Variants in MICU2 observed in about 807,000 individuals in gnomAD.
MICU2 encodes mitochondrial calcium uptake 2, also known as calcium uptake protein 2, mitochondrial.
In MICU2, 64 loss-of-function variants were observed where a neutral mutation model predicts 60.4. The observed-to-expected ratio is 1.06, with a 90% CI of 0.87 to 1.31. The LOEUF (loss-of-function observed/expected upper bound fraction) is 1.31, where lower values mean the gene tolerates loss of function less well. Among genes scored for constraint, MICU2 ranks in the 50% most tolerant of loss-of-function variants. The pLI is 0.00. For missense variants in MICU2, 569 were observed against 531.0 expected, an observed-to-expected ratio of 1.07 and a Z score of -0.70; for synonymous variants, 201 against 175.0, an observed-to-expected ratio of 1.15 and a Z score of -1.17.
intron 1 of MICU2, among the ~76,000 whole-genome samples, chr13:21,592,308 A>C (rs570375864): frequency 6.6e-6 from 1 of 152,324 alleles, no homozygotes; most frequent in South Asian, 2.1e-4. Context: ...ACCAAGACTA[A>C]ATCAAGAAGA....
At chr13:21,571,097 CT>C (rs1414495591) in intron 1 of MICU2, among the ~76,000 whole-genome samples, 6 of 150,972 alleles carry the variant, frequency 4.0e-5, no homozygotes, top group Admixed American at 6.6e-5. Context: ...TTTCAGGTTG[CT>C]TTTTTTTTGT....
chr13:21,522,233 G>C (rs1343715094), intron 5 of MICU2, among the ~76,000 whole-genome samples: 1 of 152,188 alleles, frequency 6.6e-6, no homozygotes. Context: ...CATGTCTCCT[G>C]AGTCTTCTCT....
chr13:21,572,204 T>G (rs902612037), intron 1 of MICU2, among the ~76,000 whole-genome samples: 4 of 152,192 alleles, frequency 2.6e-5, no homozygotes, highest in African/African-American at 9.7e-5. Context: ...GTGAAATGAG[T>G]GACTGTGGCA....
rs71093324 is a variant in MICU2, at chr13:21,525,181, ATTT to A, written c.467-2534_467-2532del. Reference sequence around the variant, plus strand: ...TCATACAGTAATGCTGTGTAATTCAATTTTTTTTTTTTTTTTTTTTTTTTTTTT... The same window carrying A: ...TCATACAGTAATGCTGTGTAATTCAATTTTTTTTTTTTTTTTTTTTTTTTT... On this transcript the variant is annotated intron_variant, in intron 4 of 11. Transcript: ENST00000382374. 4.9e-3 allele frequency among the ~76,000 whole-genome samples: 405 copies of A among 83,214 alleles called. 4 individuals are homozygous for A. The highest frequency in any genetic ancestry group is 0.019 in the African/African-American group (368 of 19,326). The allele number at this position is 83,214 out of a possible 152,430, so 54.6% of individuals were successfully genotyped here.
intron 4 of MICU2, among the ~76,000 whole-genome samples, chr13:21,535,677 A>G (rs186203316): frequency 3.1e-4 from 47 of 152,316 alleles, no homozygotes; most frequent in African/African-American, 1.1e-3. Flanking sequence ...TACCAATTAT[A>G]AACTTAAAAT....
intron 8 of MICU2, among the ~76,000 whole-genome samples, chr13:21,508,464 C>T (rs936273931): frequency 2.0e-5 from 3 of 152,174 alleles, no homozygotes; most frequent in Admixed American, 2.0e-4. Flanking sequence ...GAATGGTCTT[C>T]TCTCTCATAA....
At chr13:21,493,488 A>G (rs1010157037) in intron 11 of MICU2, 135 bp from the exon 12 acceptor site, 2 of 610,378 alleles carry the variant, frequency 3.3e-6, no homozygotes, top group African/African-American at 1.9e-5. Flanking sequence ...GTTGTAAAAG[A>G]TGATCACAAC....
chr13:21,603,145 G>A (rs979208966), intron 1 of MICU2, among the ~76,000 whole-genome samples: 4 of 151,906 alleles, frequency 2.6e-5, no homozygotes, highest in African/African-American at 7.3e-5. Context: ...CCGGGGGGGC[G>A]GGGCTGGGGT....
At chr13:21,509,019 A>G (rs1317336809) in intron 8 of MICU2, among the ~76,000 whole-genome samples, 1 of 152,252 alleles carries the variant, frequency 6.6e-6, no homozygotes, top group Non-Finnish European at 1.5e-5. Context: ...ACATAATAGC[A>G]TATATCACAT....
intron 9 of MICU2, among the ~76,000 whole-genome samples, chr13:21,499,192 C>G (rs2798279): frequency 0.18 from 26,910 of 151,900 alleles, 3,066 homozygotes; most frequent in African/African-American, 0.32. Flanking sequence ...CTCAGGTGAT[C>G]CACCTGCCTC....
chr13:21,550,011 C>T (rs985397234), intron 2 of MICU2, among the ~76,000 whole-genome samples: 3 of 152,164 alleles, frequency 2.0e-5, no homozygotes, highest in African/African-American at 7.2e-5. Context: ...AGAATAGATA[C>T]TTTTAAAGGG....
At chr13:21,534,078 T>TAAA (rs770621245) in intron 4 of MICU2, among the ~76,000 whole-genome samples, 1 of 126,230 alleles carries the variant, frequency 7.9e-6, no homozygotes, top group African/African-American at 3.0e-5. Context: ...TGAGACTGTC[T>TAAA]AAAAAAAAAA....
intron 1 of MICU2, among the ~76,000 whole-genome samples, chr13:21,571,912 G>A (rs1030499902): frequency 2.0e-5 from 3 of 152,178 alleles, no homozygotes; most frequent in African/African-American, 7.2e-5. Flanking sequence ...ATACAGTACT[G>A]CAAAGATCAT....
At chr13:21,584,323 A>G (rs1400915250) in intron 1 of MICU2, among the ~76,000 whole-genome samples, 5 of 150,828 alleles carry the variant, frequency 3.3e-5, no homozygotes, top group South Asian at 4.2e-4. Flanking sequence ...TGGGAGGCGG[A>G]GCTTGCAGTG....
At chr13:21,542,004 G>A (rs1348329557) in intron 2 of MICU2, among the ~76,000 whole-genome samples, 1 of 151,888 alleles carries the variant, frequency 6.6e-6, no homozygotes, top group Non-Finnish European at 1.5e-5. Flanking sequence ...AAGTTTAGAA[G>A]CTAGTCTCTT....
intron 10 of MICU2, chr13:21,495,568 G>C (rs914724292): frequency 8.5e-6 from 3 of 354,356 alleles, no homozygotes; most frequent in African/African-American, 6.3e-5. Flanking sequence ...GATGAATCTT[G>C]CTCGTCGCCC....
In MICU2 at chr13:21,593,671, T is replaced by C. The variant is rs562553947; in HGVS notation, c.210+10268A>G. ...AGTAACCAAAACAGCATGGTACTGG[T>C]ACCAAAACAGACATATAGACCAATG... On this transcript the variant is annotated intron_variant, in intron 1 of 11. Transcript: ENST00000382374. Among the ~76,000 whole-genome samples the C allele has an allele frequency of 7.4e-5, 11 of 149,136 alleles. No homozygotes were observed. In the South Asian group the frequency reaches 2.4e-3, roughly 32 times the overall value.
intron 1 of MICU2, among the ~76,000 whole-genome samples, chr13:21,595,112 A>G (rs1310629561): frequency 6.6e-6 from 1 of 152,240 alleles, no homozygotes; most frequent in Non-Finnish European, 1.5e-5. Flanking sequence ...ACCCTGTACC[A>G]TTACAAGTAG....
chr13:21,496,703 C>G (rs1477651107), intron 9 of MICU2: 1 of 152,356 alleles, frequency 6.6e-6, no homozygotes, highest in African/African-American at 2.4e-5. Context: ...AGTCTACTAA[C>G]TGGAACAATC....
Sources: allele counts gnomAD v4.1 joint callset (sites outside exome capture counted in the v4.1 genomes callset), GRCh38; gene constraint gnomAD v4.1.1; transcripts MANE v1.5; gene names NCBI Gene and HGNC (gene_info 2026-07-23, HGNC 2026-07-21).